The following CDK12 variants were observed in gnomAD, a reference collection of about 807,000 sequenced individuals.
CDK12 encodes the protein cyclin dependent kinase 12, also known as cyclin-dependent kinase 12.
A neutral mutation model predicts 133.8 loss-of-function variants in CDK12; 17 were observed. That is an observed-to-expected ratio of 0.13 (90% CI 0.09 to 0.19). CDK12 has a LOEUF of 0.19. CDK12 is among the 10% of genes least tolerant of loss of function. The pLI is 1.00. For synonymous variants in CDK12, 694 were observed against 683.6 expected (o/e 1.02, Z -0.24); for missense variants, 1,508 against 1,818.7 (o/e 0.83, Z 3.11).
At chr17:39,507,012 T>G (rs932116826) in intron 6 of CDK12, among the ~76,000 whole-genome samples, 9 of 152,002 alleles carry the variant, frequency 5.9e-5, no homozygotes, top group Non-Finnish European at 1.2e-4. Context: ...TTCTCCCACC[T>G]CAGCCTCCCA....
rs2054955430 is a variant in CDK12, at chr17:39,533,053, A to G, written c.*1737A>G. On this transcript the variant is annotated 3_prime_UTR_variant, in exon 14 of 14. Transcript: ENST00000447079. The stretch of plus-strand genomic sequence containing the variant: ...TTATTTTAAAAAATAAAATCTACTT[A>G]TAAGAGAAAGGTGCATTACTTAAAA... The G allele has an allele frequency of 2.2e-5, 5 of 228,374 alleles. No homozygotes were observed. The highest frequency in any genetic ancestry group is 3.4e-5 in the Non-Finnish European group (4 of 116,630). The allele number at this position is 228,374 out of a possible 1,614,324, so 14.1% of individuals were successfully genotyped here. A position where few individuals can be genotyped will look rare whatever the true frequency, so the allele number is the denominator to read the frequency against.
intron 6 of CDK12, among the ~76,000 whole-genome samples, chr17:39,502,184 G>C (rs1380092142): frequency 7.4e-6 from 1 of 135,230 alleles, no homozygotes; most frequent in Non-Finnish European, 1.6e-5. Context: ...ACGGAGTCTT[G>C]CTCTGTCGCC....
At chr17:39,556,047 A>AG (rs1466504130) in intron 2 of CDK12, among the ~76,000 whole-genome samples, 1 of 151,602 alleles carries the variant, frequency 6.6e-6, no homozygotes, top group Non-Finnish European at 1.5e-5. Flanking sequence ...AAAAAAAAAA[A>AG]AAAAGAAAAC....
intron 2 of CDK12, among the ~76,000 whole-genome samples, chr17:39,552,954 C>T (rs1430030252): frequency 6.6e-6 from 1 of 152,120 alleles, no homozygotes; most frequent in East Asian, 1.9e-4. Context: ...GTCTCAAACT[C>T]CTGACCTCAA....
chr17:39,525,194 G>C (rs1460902478), intron 12 of CDK12, among the ~76,000 whole-genome samples: 1 of 152,160 alleles, frequency 6.6e-6, no homozygotes, highest in Non-Finnish European at 1.5e-5. Context: ...GTTCACCCAT[G>C]ACTTTATGAA....
Position 39,511,636 on chromosome 17 carries a change from G to T in CDK12, c.2768+6G>T. ...ATAGATGTTTGGAGCTGTGGGTAAGGTTCTGTTAACTTTTTCTTTTGTCTG... is the reference window on the plus strand; with the variant it reads ...ATAGATGTTTGGAGCTGTGGGTAAGTTTCTGTTAACTTTTTCTTTTGTCTG... On this transcript the variant is annotated splice_donor_region_variant and intron_variant, in intron 8 of 13. Coordinates refer to ENST00000447079, the MANE Select transcript of CDK12 (RefSeq NM_016507.4). 1 of 1,592,326 alleles carries T rather than the reference G, an allele frequency of 6.3e-7. No individual in the cohort carries two copies. Among genetic ancestry groups the T allele is most frequent in the South Asian group, 1.1e-5 (1 of 89,650 alleles).
In CDK12 at chr17:39,533,536, A is replaced by G. The variant is rs917650735; in HGVS notation, c.*2220A>G. 4.3e-6 allele frequency: 1 copy of G among 233,144 alleles called. No individual in the cohort carries two copies. The highest frequency in any genetic ancestry group is 8.5e-6 in the Non-Finnish European group (1 of 117,920). The allele number at this position is 233,144 out of a possible 1,614,324, so 14.4% of individuals were successfully genotyped here. The stretch of plus-strand genomic sequence containing the variant: ...CCATCAAATATGAATAAAATTCTCT[A>G]TATATTTCATTGTATTTTGGTTATC... On this transcript the variant is annotated 3_prime_UTR_variant, in exon 14 of 14. Coordinates refer to ENST00000447079, the MANE Select transcript of CDK12 (RefSeq NM_016507.4).
At chr17:39,523,503 A>G (rs1354948167) in intron 11 of CDK12, among the ~76,000 whole-genome samples, 2 of 152,202 alleles carry the variant, frequency 1.3e-5, no homozygotes, top group African/African-American at 2.4e-5. Context: ...AAAGTATTTT[A>G]TCTTTGAATT....
chr17:39,472,886 T>C (rs935076161), intron 2 of CDK12, among the ~76,000 whole-genome samples: 11 of 150,752 alleles, frequency 7.3e-5, no homozygotes, highest in Non-Finnish European at 3.0e-5. Flanking sequence ...CCATCCTGGC[T>C]AACAACGGTG....
chr17:39,516,660 CT>C lies in CDK12; in HGVS notation c.2847-760del, dbSNP rs900007701. 7.5e-3 allele frequency among the ~76,000 whole-genome samples: 865 copies of C among 116,012 alleles called. 2 individuals are homozygous for C. Among genetic ancestry groups the C allele is most frequent in the African/African-American group, 0.024 (697 of 29,642 alleles). The allele number at this position is 116,012 out of a possible 152,430, so 76.1% of individuals were successfully genotyped here. A position where few individuals can be genotyped will look rare whatever the true frequency, so the allele number is the denominator to read the frequency against. On this transcript the variant is annotated intron_variant, in intron 9 of 13. Transcript: ENST00000447079. ...AGCCACCACACCAGCCTAATGCAGA[CT>C]TTTTTTTTTTTTTTTTTTTGAGATG...
upstream of CDK12, chr17:39,548,841 C>G (rs2055834522): frequency 6.6e-6 from 1 of 152,350 alleles, no homozygotes; most frequent in Admixed American, 6.5e-5. Flanking sequence ...CCATGAAGCC[C>G]TTCCAGGCTG....
At chr17:39,485,979 G>A (rs886507818) in intron 2 of CDK12, among the ~76,000 whole-genome samples, 2 of 149,248 alleles carry the variant, frequency 1.3e-5, no homozygotes, top group Non-Finnish European at 3.0e-5. Flanking sequence ...TTGAGACAGA[G>A]TCTTGCTCTG....
chr17:39,506,758 C>G (rs1352003477), intron 6 of CDK12, among the ~76,000 whole-genome samples: 6 of 152,100 alleles, frequency 3.9e-5, no homozygotes, highest in African/African-American at 1.4e-4. Flanking sequence ...AAGTTCTTCT[C>G]AAAAGGCAAA....
upstream of CDK12, among the ~76,000 whole-genome samples, chr17:39,544,831 T>C (rs976227959): frequency 6.6e-6 from 1 of 152,018 alleles, no homozygotes; most frequent in Non-Finnish European, 1.5e-5. Flanking sequence ...GGTTTCTCCA[T>C]GTTGGTCAGG....
rs1598176855 is a variant in CDK12 at position 39,526,442 on chromosome 17, A to C, written c.3760+126A>C. 7 of 683,754 alleles carry C rather than the reference A, an allele frequency of 1.0e-5. No individual in the cohort carries two copies. The East Asian group carries it at 1.6e-4, about 16-fold the overall frequency. 42.4% of individuals were successfully genotyped at this position (683,754 alleles called of 1,614,324 possible). ...TCAGTTATTCTGTAACCTAGTCTAC[A>C]GGAGAACATAGCACCAAGTAATGTA... On this transcript the variant is annotated intron_variant, in intron 13 of 13. Coordinates refer to ENST00000447079, the MANE Select transcript of CDK12 (RefSeq NM_016507.4).
rs897335452 is a variant in CDK12, at chr17:39,533,325, A to G, written c.*2009A>G. On this transcript the variant is annotated 3_prime_UTR_variant, in exon 14 of 14. Coordinates refer to ENST00000447079, the MANE Select transcript of CDK12 (RefSeq NM_016507.4). Reference sequence around the variant, plus strand: ...GATTTACTAGGCTTACTGACATGCTATTGGTAAATCGCATTAAAGTTCATC... The same window carrying G: ...GATTTACTAGGCTTACTGACATGCTGTTGGTAAATCGCATTAAAGTTCATC... 8.6e-6 allele frequency: 2 copies of G among 233,044 alleles called. No homozygotes were observed. The highest frequency in any genetic ancestry group is 1.7e-5 in the Non-Finnish European group (2 of 117,848). The allele number at this position is 233,044 out of a possible 1,614,324, so 14.4% of individuals were successfully genotyped here. A position where few individuals can be genotyped will look rare whatever the true frequency, so the allele number is the denominator to read the frequency against.
chr17:39,475,399 G>C (rs1435736946), intron 2 of CDK12, among the ~76,000 whole-genome samples: 1 of 152,016 alleles, frequency 6.6e-6, no homozygotes, highest in Non-Finnish European at 1.5e-5. Flanking sequence ...CTTGAGCCCA[G>C]GAGTTCAAGG....
chr17:39,502,630 A>G (rs917082368), intron 6 of CDK12, among the ~76,000 whole-genome samples: 2 of 152,224 alleles, frequency 1.3e-5, no homozygotes, highest in African/African-American at 2.4e-5. Context: ...CTTTTGCAGG[A>G]GAAATAAATA....
chr17:39,462,513 T>C lies in CDK12; in HGVS notation c.442T>C (p.Ser148Pro). 2 of 1,613,980 alleles carry C rather than the reference T, an allele frequency of 1.2e-6. No individual in the cohort carries two copies. Among genetic ancestry groups the C allele is most frequent in the Non-Finnish European group, 1.7e-6 (2 of 1,180,020 alleles). ...GTCGGGATCGATGAAGGACCGGATA[T>C]CGGGAAGTTCAAAGCGTTCGAATGA... is the stretch of plus-strand genomic sequence containing the variant. ...SKSGSMKDRI[S>P]GSSKRSNEET... The change falls in exon 1 of 14, where the codon TCG becomes CCG. Residue 148 changes from serine to proline, a missense_variant. By Grantham distance (74) the Ser-to-Pro change is moderately conservative. This residue lies in a region of CDK12 where 460 missense variants were observed against 490.8 expected (regional missense o/e 0.94). Transcript: ENST00000447079.
Sources: gnomAD v4.1 joint callset for allele counts (sites outside exome capture counted in the v4.1 genomes callset) on GRCh38, gnomAD v4.1.1 for gene constraint, gnomAD v4.1.1 regional missense constraint, MANE v1.5 for transcripts, NCBI Gene and HGNC (gene_info 2026-07-23, HGNC 2026-07-21) for gene names.